PRKAR1A: variants seen among roughly 807,000 people sequenced by gnomAD.
The protein encoded by PRKAR1A is protein kinase cAMP-dependent type I regulatory subunit alpha.
In PRKAR1A, 3 loss-of-function variants were observed where a neutral mutation model predicts 52.0. The ratio of observed to expected loss-of-function variants is 0.06; its 90% CI spans 0.03 to 0.15. The LOEUF is 0.15. Ranked by LOEUF, PRKAR1A falls within the 10% of genes least tolerant of loss-of-function variation. The pLI, the probability that PRKAR1A is intolerant of heterozygous loss-of-function variation, is 1.00. For missense variants in PRKAR1A, 240 were observed against 477.4 expected (o/e 0.50, Z 4.63); for synonymous variants, 188 against 168.4 (o/e 1.12, Z -0.90).
chr17:68,444,114 A>C, the PRKAR1A span, among the ~76,000 whole-genome samples: 1 of 152,226 alleles, frequency 6.6e-6, no homozygotes, highest in Non-Finnish European at 1.5e-5. Context: ...CCAAGTTGAA[A>C]CCTGCTTCTA....
the PRKAR1A span, among the ~76,000 whole-genome samples, chr17:68,504,424 G>T: frequency 6.6e-6 from 1 of 152,180 alleles, no homozygotes; most frequent in Non-Finnish European, 1.5e-5. Flanking sequence ...CTGAGATCGT[G>T]CCACTGCACT....
At chr17:68,526,625 A>C (rs2952273) in intron 7 of PRKAR1A, among the ~76,000 whole-genome samples, 1 of 151,980 alleles carries the variant, frequency 6.6e-6, no homozygotes, top group African/African-American at 2.4e-5. Flanking sequence ...GCAGCAACAT[A>C]GATAGAGCTG....
chr17:68,481,925 C>T, the PRKAR1A span, among the ~76,000 whole-genome samples: 1 of 152,182 alleles, frequency 6.6e-6, no homozygotes, highest in African/African-American at 2.4e-5. Flanking sequence ...TTGCTTGGTA[C>T]GTGCTAGGCA....
chr17:68,546,784 T>A (rs1053324354), intron 11 of PRKAR1A, among the ~76,000 whole-genome samples: 17 of 145,740 alleles, frequency 1.2e-4, no homozygotes, highest in African/African-American at 4.4e-4. Flanking sequence ...GAGCTGAGAT[T>A]GAGCCACTGG....
the PRKAR1A span, chr17:68,434,739 G>T: frequency 9.6e-7 from 1 of 1,042,458 alleles, no homozygotes; most frequent in Non-Finnish European, 1.4e-6. Flanking sequence ...TGAGGAGGAA[G>T]AACACCACGT....
rs1409504061 is a variant in PRKAR1A at position 68,530,317 on chromosome 17, A to C, written c.1014A>C (p.Thr338=). ...TGATGAATCGTCCTCGTGCTGCCAC[A>C]GTTGTTGCTCGTGGCCCCTTGAAGT... ...ALLMNRPRAA[T]VVARGPLKCV... is the part of the protein sequence containing the mutation. Residue 338 remains threonine, a synonymous_variant, in exon 11 of 11, where the codon ACA becomes ACC. Transcript: ENST00000589228. 1 of 1,614,168 alleles carries C rather than the reference A, an allele frequency of 6.2e-7. No individual in the cohort carries two copies.
the PRKAR1A span, among the ~76,000 whole-genome samples, chr17:68,490,500 A>G: frequency 6.6e-6 from 1 of 151,832 alleles, no homozygotes; most frequent in East Asian, 1.9e-4. Flanking sequence ...TAATCTGAGG[A>G]CCTCCTGCAC....
chr17:68,470,665 T>A, the PRKAR1A span, among the ~76,000 whole-genome samples: 2 of 152,196 alleles, frequency 1.3e-5, no homozygotes, highest in Non-Finnish European at 2.9e-5. Flanking sequence ...AGGTTAATAA[T>A]TCGTTGCTTT....
At chr17:68,534,201 C>T (rs2086046587), downstream of PRKAR1A, among the ~76,000 whole-genome samples, 1 of 152,158 alleles carries the variant, frequency 6.6e-6, no homozygotes, top group Non-Finnish European at 1.5e-5. Flanking sequence ...TGGACTACAC[C>T]TAAAACCAAA....
chr17:68,509,196 G>C (rs376648700), upstream of PRKAR1A, among the ~76,000 whole-genome samples: 8 of 152,034 alleles, frequency 5.3e-5, no homozygotes. Context: ...TTTCTTTTTC[G>C]TTTTTTGAGT....
chr17:68,451,399 A>G, the PRKAR1A span, among the ~76,000 whole-genome samples: 2 of 152,130 alleles, frequency 1.3e-5, no homozygotes, highest in African/African-American at 4.8e-5. Context: ...ACAACACTGC[A>G]CTCCAGCCTG....
At chr17:68,536,797 T>C (rs1008736859), downstream of PRKAR1A, 5 of 454,004 alleles carry the variant, frequency 1.1e-5, no homozygotes, top group African/African-American at 4.0e-5. Flanking sequence ...ACATATTTGA[T>C]GTTATTTCAA....
rs747654899 is a variant in PRKAR1A at position 68,550,369 on chromosome 17, C to CTTTTTTT, written c.974-694_974-688dup. 2.0e-4 allele frequency among the ~76,000 whole-genome samples: 16 copies of CTTTTTTT among 79,390 alleles called. 1 individual carries two copies. The highest frequency in any genetic ancestry group is 1.4e-3 in the East Asian group (3 of 2,144). 52.1% of individuals were successfully genotyped at this position (79,390 alleles called of 152,430 possible). On this transcript the variant is annotated intron_variant, in intron 11 of 11. Transcript: ENST00000585981. Reference sequence around the variant, plus strand: ...CTTTCACATAGGAAAAATGGGGGAACTTTTTTTTTTTTTTTTTTTTTTTTT... The same window carrying CTTTTTTT: ...CTTTCACATAGGAAAAATGGGGGAACTTTTTTTTTTTTTTTTTTTTTTTTTTTTTTTT...
At chr17:68,473,672 G>A in the PRKAR1A span, among the ~76,000 whole-genome samples, 2 of 152,168 alleles carry the variant, frequency 1.3e-5, no homozygotes, top group African/African-American at 2.4e-5. Context: ...ACAGGCGTGC[G>A]CCACCATGCC....
chr17:68,426,243 G>GGC, the PRKAR1A span: 1,039 of 934,478 alleles, frequency 1.1e-3, 20 homozygotes, highest in Admixed American at 3.0e-3. Flanking sequence ...CCTGGCGGGT[G>GGC]GGGAGCGGGG....
the PRKAR1A span, chr17:68,428,291 T>A: frequency 6.5e-6 from 1 of 153,054 alleles, no homozygotes; most frequent in Non-Finnish European, 1.4e-5. Flanking sequence ...AGTGCAATGG[T>A]GTGATCATGG....
chr17:68,543,544 T>A, intron 11 of PRKAR1A: 1 of 1,183,748 alleles, frequency 8.4e-7, no homozygotes, highest in Non-Finnish European at 1.3e-6. Flanking sequence ...TGCCAGGGAG[T>A]TCCCACCTTG....
downstream of PRKAR1A, chr17:68,537,540 G>A (rs1162547081): frequency 1.9e-6 from 3 of 1,613,718 alleles, no homozygotes; most frequent in African/African-American, 2.7e-5. This position sits in a 1 kb window ranked among gnomAD's most constrained non-coding sequence, Gnocchi z 4.2. Context: ...CGTCGACTAT[G>A]ACACTCTGCT....
chr17:68,421,672 C>A, the PRKAR1A span: 12 of 1,539,014 alleles, frequency 7.8e-6, no homozygotes, highest in East Asian at 6.7e-5. Flanking sequence ...TTCCTGCCCC[C>A]CTTTCTGCTC....
Sources: allele counts gnomAD v4.1 joint callset (sites outside exome capture counted in the v4.1 genomes callset), GRCh38; gene constraint gnomAD v4.1.1; non-coding constraint Gnocchi (gnomAD v3.1); transcripts MANE v1.5; gene names NCBI Gene and HGNC (gene_info 2026-07-23, HGNC 2026-07-21).